The following GRM7 variants were observed in gnomAD, a reference collection of about 807,000 sequenced individuals.
The protein encoded by GRM7 is glutamate metabotropic receptor 7, also known as metabotropic glutamate receptor 7.
Under a neutral mutation model 84.5 loss-of-function variants are expected in GRM7, and 35 were observed. The observed-to-expected ratio is 0.41, with a 90% CI of 0.32 to 0.55. The LOEUF is 0.55. GRM7 is among the 20% of genes least tolerant of loss of function. The pLI, the probability that GRM7 is intolerant of heterozygous loss-of-function variation, is 0.19. For synonymous variants in GRM7, 487 were observed against 455.1 expected (o/e 1.07, Z -0.89); for missense variants, 1,003 against 1,194.6 (o/e 0.84, Z 2.36).
chr3:7,620,675 A>C (rs1697316693), intron 8 of GRM7, among the ~76,000 whole-genome samples: 1 of 152,146 alleles, frequency 6.6e-6, no homozygotes, highest in Admixed American at 6.6e-5. Flanking sequence ...ATGCTGGTGG[A>C]GATGTGGCAT....
At chr3:7,552,422 G>C (rs1456784685) in intron 7 of GRM7, among the ~76,000 whole-genome samples, 1 of 152,166 alleles carries the variant, frequency 6.6e-6, no homozygotes, top group African/African-American at 2.4e-5. Context: ...AGCTCCACTG[G>C]GCAGTGCCAC....
intron 8 of GRM7, among the ~76,000 whole-genome samples, chr3:7,662,094 T>C (rs1247084476): frequency 6.6e-6 from 1 of 152,144 alleles, no homozygotes; most frequent in Non-Finnish European, 1.5e-5. Flanking sequence ...TATTGATACA[T>C]GCAATAATAT....
rs33945077 is a variant in GRM7 at position 6,901,604 on chromosome 3, T to TAAAAAAAAAAAAAAA, written c.519+39716_519+39730dup. Among the ~76,000 whole-genome samples the TAAAAAAAAAAAAAAA allele has an allele frequency of 1.4e-3, 55 of 40,498 alleles. 3 individuals carry two copies. Among genetic ancestry groups the TAAAAAAAAAAAAAAA allele is most frequent in the South Asian group, 2.8e-3 (2 of 702 alleles). 26.6% of individuals were successfully genotyped at this position (40,498 alleles called of 152,430 possible). On this transcript the variant is annotated intron_variant, in intron 1 of 9. Transcript: ENST00000357716. ...CCTGGTGACAGAGCAAGACTCCGTC[T>TAAAAAAAAAAAAAAA]AAAAAAAAAAAAAAAAAAAAAAAAA...
chr3:7,030,307 T>C (rs151261956), intron 1 of GRM7, among the ~76,000 whole-genome samples: 1 of 152,282 alleles, frequency 6.6e-6, no homozygotes, highest in African/African-American at 2.4e-5. Flanking sequence ...TGTCAGAAGG[T>C]TGCAGGAAAT....
chr3:6,861,737 G>T lies in GRM7; in HGVS notation c.349G>T (p.Glu117Ter). 6.2e-7 allele frequency: 1 copy of T among 1,614,230 alleles called. No individual in the cohort carries two copies. Among genetic ancestry groups the T allele is most frequent in the Non-Finnish European group, 8.5e-7 (1 of 1,180,048 alleles). The stretch of plus-strand genomic sequence containing the variant: ...TTGTTCCAGGGACACTTACGCGCTC[G>T]AACAGTCGCTTACTTTCGTCCAGGC... ...DTCSRDTYAL[E>*]QSLTFVQALI... The change falls in exon 1 of 10, where the codon GAA becomes TAA. Residue 117 changes from glutamate to a stop codon, truncating the protein, a stop_gained. Transcript: ENST00000357716. LOFTEE classifies it high-confidence loss of function. The surrounding 1 kb of genome is among the most constrained non-coding windows in gnomAD (Gnocchi z 6.4).
intron 1 of GRM7, among the ~76,000 whole-genome samples, chr3:6,886,193 G>A (rs2124972431): frequency 6.6e-6 from 1 of 152,086 alleles, no homozygotes; most frequent in African/African-American, 2.4e-5. Flanking sequence ...ATTAACTATA[G>A]TCACCATGTT....
At chr3:7,043,975 G>T (rs550364980) in intron 1 of GRM7, among the ~76,000 whole-genome samples, 1 of 152,066 alleles carries the variant, frequency 6.6e-6, no homozygotes, top group African/African-American at 2.4e-5. Context: ...CCGCCCCCCT[G>T]GTTCAAGCTT....
chr3:7,515,817 G>T (rs1145137), intron 7 of GRM7, among the ~76,000 whole-genome samples: 273 of 151,648 alleles, frequency 1.8e-3, no homozygotes, highest in African/African-American at 6.2e-3. Flanking sequence ...TAAACTAGGG[G>T]ACAATGACTT....
chr3:7,410,816 A>C (rs548209162), intron 4 of GRM7, among the ~76,000 whole-genome samples: 1 of 152,314 alleles, frequency 6.6e-6, no homozygotes, highest in Non-Finnish European at 1.5e-5. Flanking sequence ...ATACCACAAC[A>C]GGATTTTTTA....
At chr3:7,099,812 TATAC>T in intron 1 of GRM7, among the ~76,000 whole-genome samples, 1 of 121,492 alleles carries the variant, frequency 8.2e-6, no homozygotes, top group Non-Finnish European at 1.6e-5. Context: ...GTACACGCAT[TATAC>T]ATGTGCACAT....
intron 4 of GRM7, among the ~76,000 whole-genome samples, chr3:7,366,897 A>G (rs1693916292): frequency 9.4e-6 from 1 of 106,750 alleles, no homozygotes; most frequent in South Asian, 3.7e-4. Context: ...ACTGGTAGAG[A>G]TAAATTATAA....
intron 1 of GRM7, among the ~76,000 whole-genome samples, chr3:6,886,957 T>C (rs1695719556): frequency 1.3e-5 from 2 of 152,186 alleles, no homozygotes; most frequent in East Asian, 1.9e-4. Context: ...ACCCGTGAAC[T>C]CAGGTCAGAA....
intron 1 of GRM7, among the ~76,000 whole-genome samples, chr3:6,882,137 G>C (rs929636197): frequency 1.8e-4 from 27 of 152,086 alleles, no homozygotes; most frequent in African/African-American, 6.5e-4. Flanking sequence ...CCAATTCTTT[G>C]AAAGGTATAG....
intron 1 of GRM7, among the ~76,000 whole-genome samples, chr3:6,960,085 A>G (rs1693231156): frequency 6.6e-6 from 1 of 152,180 alleles, no homozygotes; most frequent in Non-Finnish European, 1.5e-5. Context: ...TTGCTTAAAG[A>G]CTAATTCTAG....
At chr3:7,507,314 C>T (rs764737262) in intron 7 of GRM7, among the ~76,000 whole-genome samples, 2 of 152,116 alleles carry the variant, frequency 1.3e-5, no homozygotes, top group Non-Finnish European at 2.9e-5. Context: ...GACACAGCTA[C>T]TGGGACAAGC....
At chr3:7,606,356 C>G (rs1458650159) in intron 8 of GRM7, among the ~76,000 whole-genome samples, 2 of 151,896 alleles carry the variant, frequency 1.3e-5, no homozygotes, top group Non-Finnish European at 2.9e-5. Context: ...GTCCTGAAAG[C>G]CTTATGGTTT....
intron 1 of GRM7, among the ~76,000 whole-genome samples, chr3:6,927,519 A>AAGAG: frequency 7.1e-6 from 1 of 141,348 alleles, no homozygotes; most frequent in African/African-American, 2.5e-5. Context: ...GAAAGAAAGA[A>AAGAG]GAGAAAAGAA....
chr3:7,448,717 C>T (rs1697635966), intron 5 of GRM7, among the ~76,000 whole-genome samples: 2 of 152,080 alleles, frequency 1.3e-5, no homozygotes, highest in Admixed American at 6.6e-5. Flanking sequence ...TAAGTCTTCT[C>T]AGAGCCTTTA....
chr3:7,007,454 T>G (rs1347739665), intron 1 of GRM7, among the ~76,000 whole-genome samples: 2 of 152,200 alleles, frequency 1.3e-5, no homozygotes, highest in Admixed American at 1.3e-4. Flanking sequence ...TCACTCATTC[T>G]CAGAGATTTG....
Sources: gnomAD v4.1 joint callset for allele counts (sites outside exome capture counted in the v4.1 genomes callset) on GRCh38, gnomAD v4.1.1 for gene constraint, Gnocchi (gnomAD v3.1) non-coding constraint, MANE v1.5 for transcripts, NCBI Gene and HGNC (gene_info 2026-07-23, HGNC 2026-07-21) for gene names.